Variants in DIS3L2 observed in about 807,000 individuals in gnomAD.
DIS3L2 encodes DIS3 like 3'-5' exoribonuclease 2, also known as DIS3-like exonuclease 2.
Under a neutral mutation model 97.5 loss-of-function variants are expected in DIS3L2, and 34 were observed. The ratio of observed to expected loss-of-function variants is 0.35; its 90% CI spans 0.27 to 0.46. The LOEUF is 0.46. Among genes scored for constraint, DIS3L2 ranks in the 20% least tolerant of loss-of-function variants. The pLI is 1.00. For synonymous variants in DIS3L2, 435 were observed against 445.2 expected (o/e 0.98, Z 0.29); for missense variants, 1,038 against 1,146.0 (o/e 0.91, Z 1.36).
intron 9 of DIS3L2, among the ~76,000 whole-genome samples, chr2:232,188,200 A>T (rs1034919102): frequency 6.6e-6 from 1 of 152,196 alleles, no homozygotes. Context: ...GTATAAACAA[A>T]GTGTTTCCCC....
chr2:232,097,190 G>T lies in DIS3L2; in HGVS notation c.601+9469G>T, dbSNP rs532625161. Reference sequence around the variant, plus strand: ...GTAGAGGTTCTGCCTTGGTGGTCTTGGATAAGATCTGGAAGAATTCTCTGG... The same window carrying T: ...GTAGAGGTTCTGCCTTGGTGGTCTTTGATAAGATCTGGAAGAATTCTCTGG... On this transcript the variant is annotated intron_variant, in intron 6 of 20. Transcript: ENST00000325385. Among the ~76,000 whole-genome samples, 37 of 152,252 alleles carry T rather than the reference G, an allele frequency of 2.4e-4. 1 individual carries two copies. In the South Asian group the frequency reaches 7.5e-3, roughly 31 times the overall value.
chr2:232,264,025 AT>A (rs1394217627), intron 13 of DIS3L2, among the ~76,000 whole-genome samples: 11 of 152,146 alleles, frequency 7.2e-5, no homozygotes, highest in Non-Finnish European at 1.6e-4. Flanking sequence ...GTGGAAGACA[AT>A]TTTTCCACAG....
At chr2:232,182,953 GT>G (rs1389305107) in intron 9 of DIS3L2, among the ~76,000 whole-genome samples, 7 of 152,242 alleles carry the variant, frequency 4.6e-5, no homozygotes, top group South Asian at 2.1e-4. Context: ...AGTCTATGCT[GT>G]GATCTGAATG....
At chr2:232,218,418 C>T (rs1469521077) in intron 10 of DIS3L2, among the ~76,000 whole-genome samples, 3 of 152,100 alleles carry the variant, frequency 2.0e-5, no homozygotes, top group Non-Finnish European at 4.4e-5. Context: ...TTCTCAGCCT[C>T]CGAGGTGTGG....
intron 9 of DIS3L2, among the ~76,000 whole-genome samples, chr2:232,205,738 TGAG>T (rs1692011696): frequency 3.9e-5 from 6 of 152,344 alleles, no homozygotes; most frequent in African/African-American, 1.4e-4. Context: ...GAAGGTTTTC[TGAG>T]TTTCCTAGCA....
intron 14 of DIS3L2, among the ~76,000 whole-genome samples, chr2:232,303,082 G>A (rs778050916): frequency 5.3e-5 from 8 of 152,116 alleles, no homozygotes; most frequent in Non-Finnish European, 1.2e-4. Context: ...GAGAAAAACT[G>A]GCTCATGACT....
At chr2:232,252,021 C>T (rs1275527358) in intron 12 of DIS3L2, among the ~76,000 whole-genome samples, 2 of 149,958 alleles carry the variant, frequency 1.3e-5, no homozygotes, top group Non-Finnish European at 2.9e-5. Flanking sequence ...GAAGGAATCA[C>T]TTAGATCAGG....
intron 10 of DIS3L2, among the ~76,000 whole-genome samples, chr2:232,212,531 A>C (rs2106220753): frequency 6.6e-6 from 1 of 152,340 alleles, no homozygotes; most frequent in South Asian, 2.1e-4. Context: ...GTGTGTCAGC[A>C]GAGGTTTCAT....
chr2:232,004,700 G>A (rs1051226652), intron 1 of DIS3L2, among the ~76,000 whole-genome samples: 4 of 151,352 alleles, frequency 2.6e-5, no homozygotes, highest in Admixed American at 2.6e-4. Flanking sequence ...GTCCACCTCA[G>A]CCTCCCAAGT....
chr2:232,210,273 G>A, intron 9 of DIS3L2, 53 bp from the exon 10 acceptor site: 1 of 1,406,558 alleles, frequency 7.1e-7, no homozygotes, highest in African/African-American at 1.4e-5. Context: ...CTATGGTGGG[G>A]TAAAGTTGCT....
chr2:232,222,953 G>C (rs1442890067), intron 10 of DIS3L2, among the ~76,000 whole-genome samples: 1 of 152,186 alleles, frequency 6.6e-6, no homozygotes, highest in Non-Finnish European at 1.5e-5. Context: ...TAAGTGGAGA[G>C]GCAGCTCCAC....
intron 13 of DIS3L2, among the ~76,000 whole-genome samples, chr2:232,277,804 C>A (rs1162012699): frequency 6.6e-6 from 1 of 152,186 alleles, no homozygotes; most frequent in African/African-American, 2.4e-5. Flanking sequence ...CTACGACCCA[C>A]CTAGGCTTTG....
intron 10 of DIS3L2, among the ~76,000 whole-genome samples, chr2:232,216,843 C>CCCCTT (rs946310377): frequency 6.8e-6 from 1 of 148,032 alleles, no homozygotes. Flanking sequence ...CCCCTCCCCT[C>CCCCTT]CCCTCCCCTC....
chr2:232,280,376 A>G (rs1242774011), intron 13 of DIS3L2, among the ~76,000 whole-genome samples: 2 of 152,186 alleles, frequency 1.3e-5, no homozygotes, highest in Non-Finnish European at 2.9e-5. Context: ...AAAAGAGGGT[A>G]TGGGATGATT....
At chr2:232,333,757 G>GAA in intron 16 of DIS3L2, 83 bp from the exon 17 acceptor site, 13 of 1,393,474 alleles carry the variant, frequency 9.3e-6, no homozygotes, top group Admixed American at 5.3e-5. Flanking sequence ...GCTGCCGACG[G>GAA]TGAGGCTGTG....
chr2:232,070,707 C>T (rs1695990095), intron 5 of DIS3L2, among the ~76,000 whole-genome samples: 1 of 151,978 alleles, frequency 6.6e-6, no homozygotes, highest in Non-Finnish European at 1.5e-5. Flanking sequence ...GTCTCAGCCT[C>T]CCTAGTAGCT....
intron 9 of DIS3L2, among the ~76,000 whole-genome samples, chr2:232,168,191 AT>A (rs1482224420): frequency 3.3e-5 from 5 of 152,244 alleles, no homozygotes; most frequent in African/African-American, 1.2e-4. Flanking sequence ...ATTTAAAAAA[AT>A]GTTATCTTTA....
At chr2:232,286,192 C>T (rs1247165343) in intron 13 of DIS3L2, among the ~76,000 whole-genome samples, 1 of 152,118 alleles carries the variant, frequency 6.6e-6, no homozygotes. Flanking sequence ...TTTTTTCAGT[C>T]GTGAGCTTCA....
Position 232,269,375 on chromosome 2 carries a change from G to T in DIS3L2, c.1659+5935G>T, listed in dbSNP as rs1693926416. 6.6e-6 allele frequency among the ~76,000 whole-genome samples: 1 copy of T among 152,102 alleles called. No individual in the cohort carries two copies. ...ATTTATCCTGTCTGGCTCTTCCTTGGTCTTATTATTTATGTTGTCACTTAA... is the reference window on the plus strand; with the variant it reads ...ATTTATCCTGTCTGGCTCTTCCTTGTTCTTATTATTTATGTTGTCACTTAA... On this transcript the variant is annotated intron_variant, in intron 13 of 20. Transcript: ENST00000325385. The surrounding 1 kb of genome is among the most constrained non-coding windows in gnomAD (Gnocchi z 4.5).
Sources: allele counts gnomAD v4.1 joint callset (sites outside exome capture counted in the v4.1 genomes callset), GRCh38; gene constraint gnomAD v4.1.1; non-coding constraint Gnocchi (gnomAD v3.1); transcripts MANE v1.5; gene names NCBI Gene and HGNC (gene_info 2026-07-23, HGNC 2026-07-21).